ZNF334: variants seen among roughly 807,000 people sequenced by gnomAD.
ZNF334 encodes zinc finger protein 334.
A neutral mutation model predicts 12.4 loss-of-function variants in ZNF334; 14 were observed. That is an observed-to-expected ratio of 1.13 (90% CI 0.74 to 1.76). The LOEUF (loss-of-function observed/expected upper bound fraction) is 1.76, where lower values mean the gene tolerates loss of function less well. Among genes scored for constraint, ZNF334 ranks in the 40% most tolerant of loss-of-function variants. ZNF334 has a pLI of 0.00. For missense variants in ZNF334, 797 were observed against 804.5 expected (o/e 0.99, Z 0.11); for synonymous variants, 273 against 269.6 (o/e 1.01, Z -0.12).
the ZNF334 span, among the ~76,000 whole-genome samples, chr20:46,479,157 C>T: frequency 6.6e-6 from 1 of 152,178 alleles, no homozygotes; most frequent in African/African-American, 2.4e-5. Context: ...AGAGACTGTG[C>T]TCTTTCTGAA....
chr20:46,481,914 T>C, the ZNF334 span, among the ~76,000 whole-genome samples: 2 of 152,132 alleles, frequency 1.3e-5, no homozygotes, highest in African/African-American at 4.8e-5. Flanking sequence ...CCTTACATGG[T>C]AAAAGGGACT....
chr20:46,473,706 A>G, the ZNF334 span, among the ~76,000 whole-genome samples: 2 of 152,248 alleles, frequency 1.3e-5, no homozygotes, highest in Non-Finnish European at 2.9e-5. Context: ...TCAATGAACA[A>G]GATAGACAAA....
At chr20:46,507,541 G>A (rs978999083) in intron 2 of ZNF334, among the ~76,000 whole-genome samples, 1 of 152,188 alleles carries the variant, frequency 6.6e-6, no homozygotes, top group South Asian at 2.1e-4. Context: ...CAGGGGAAGC[G>A]AGGTGAAGGA....
rs779948503 is a variant in ZNF334 at position 46,502,135 on chromosome 20, C to G, written c.1204G>C (p.Glu402Gln). 1 of 1,614,108 alleles carries G rather than the reference C, an allele frequency of 6.2e-7. No homozygotes were observed. The highest frequency in any genetic ancestry group is 1.7e-5 in the Admixed American group (1 of 60,016). ...LTAHQRIHTG[E>Q]KPYECSECEK... ...CATTCACTACATTCATAGGGTTTTT[C>G]CCCTGTGTGAATTCTCTGATGCGCA... The change falls in exon 5 of 5, where the codon GAA (glutamate) becomes CAA (glutamine). Residue 402 changes from glutamate (E) to glutamine (Q), a missense_variant. Glu to Gln is a conservative substitution (Grantham distance 29). Coordinates refer to ENST00000692313, the MANE Select transcript of ZNF334 (RefSeq NM_001353824.2).
At chr20:46,494,098 T>C in the ZNF334 span, among the ~76,000 whole-genome samples, 2 of 152,252 alleles carry the variant, frequency 1.3e-5, no homozygotes, top group South Asian at 2.1e-4. Context: ...TTATTTGAAA[T>C]TGATTTCTTG....
chr20:46,497,521 CAACT>C (rs1294010895), downstream of ZNF334, among the ~76,000 whole-genome samples: 1 of 152,118 alleles, frequency 6.6e-6, no homozygotes, highest in Admixed American at 6.5e-5. Flanking sequence ...AAGAGATTAC[CAACT>C]AATTTCATTA....
At chr20:46,478,193 C>T in the ZNF334 span, among the ~76,000 whole-genome samples, 1 of 152,204 alleles carries the variant, frequency 6.6e-6, no homozygotes, top group Non-Finnish European at 1.5e-5. Context: ...CAATGGCCCA[C>T]AACACAGCCT....
At chr20:46,478,881 G>T in the ZNF334 span, among the ~76,000 whole-genome samples, 1 of 152,062 alleles carries the variant, frequency 6.6e-6, no homozygotes, top group Non-Finnish European at 1.5e-5. Flanking sequence ...TCCCCTGCTG[G>T]GGTCATTTGG....
chr20:46,478,757 T>A, the ZNF334 span, among the ~76,000 whole-genome samples: 1 of 152,226 alleles, frequency 6.6e-6, no homozygotes, highest in Non-Finnish European at 1.5e-5. Flanking sequence ...TAACAAAAAA[T>A]GAAGGAGCAA....
the ZNF334 span, among the ~76,000 whole-genome samples, chr20:46,468,438 C>T: frequency 1.4e-5 from 2 of 145,882 alleles, no homozygotes; most frequent in East Asian, 2.0e-4. Context: ...TCATGACTGG[C>T]TAATTTTTTT....
At chr20:46,506,354 G>T (rs1234320713) in intron 2 of ZNF334, 1 of 636,712 alleles carries the variant, frequency 1.6e-6, no homozygotes, top group South Asian at 1.8e-5. Flanking sequence ...GGCCAGGTGT[G>T]GTGGCGCACA....
In ZNF334 at chr20:46,501,391, G is replaced by GT. The variant is rs1336422850; in HGVS notation, c.1947dup (p.His650ThrfsTer8). 6.2e-7 allele frequency: 1 copy of GT among 1,614,134 alleles called. No individual in the cohort carries two copies. Among genetic ancestry groups the GT allele is most frequent in the Non-Finnish European group, 8.5e-7 (1 of 1,180,008 alleles). On this transcript the variant is annotated frameshift_variant, in exon 5 of 5. Coordinates refer to ENST00000692313, the MANE Select transcript of ZNF334 (RefSeq NM_001353824.2). LOFTEE classifies it low-confidence loss of function (END_TRUNC). ...CATTCATAAGGTTTCTCTCCTGTGT[G>GT]TATTTTCTGATGTTCAGTGAGAGTC... is the stretch of plus-strand genomic sequence containing the variant.
At chr20:46,485,429 G>A in the ZNF334 span, 2 of 145,352 alleles carry the variant, frequency 1.4e-5, no homozygotes, top group African/African-American at 2.6e-5. Context: ...TGTCACAGAA[G>A]GTTTTTTTTG....
chr20:46,467,479 C>G, the ZNF334 span, among the ~76,000 whole-genome samples: 1 of 152,232 alleles, frequency 6.6e-6, no homozygotes, highest in Non-Finnish European at 1.5e-5. Context: ...TCATTCAACA[C>G]TAATATCCCC....
the ZNF334 span, chr20:46,492,392 T>G: frequency 6.5e-6 from 1 of 153,182 alleles, no homozygotes; most frequent in Admixed American, 6.5e-5. Flanking sequence ...GCCCTTTACA[T>G]GTAATGAATG....
chr20:46,505,012 T>C (rs2061381557), intron 2 of ZNF334: 2 of 291,932 alleles, frequency 6.9e-6, no homozygotes, highest in South Asian at 1.5e-4. Flanking sequence ...GAGCATACAT[T>C]CTGACAGGGT....
the ZNF334 span, among the ~76,000 whole-genome samples, chr20:46,465,909 C>T: frequency 6.6e-6 from 1 of 151,586 alleles, no homozygotes; most frequent in Non-Finnish European, 1.5e-5. Context: ...GAGCCAAGAT[C>T]GTGCCACTTA....
At chr20:46,493,086 T>A in the ZNF334 span, among the ~76,000 whole-genome samples, 1 of 51,038 alleles carries the variant, frequency 2.0e-5, no homozygotes, top group East Asian at 7.6e-4. Context: ...AGACTCTGTC[T>A]TTAGAAAAAA....
the ZNF334 span, among the ~76,000 whole-genome samples, chr20:46,483,668 C>T: frequency 4.9e-4 from 75 of 152,220 alleles, no homozygotes; most frequent in Middle Eastern, 3.4e-3. Context: ...TAAACATTCC[C>T]ATATTTGCAT....
Sources: gnomAD v4.1 joint callset for allele counts (sites outside exome capture counted in the v4.1 genomes callset) on GRCh38, gnomAD v4.1.1 for gene constraint, MANE v1.5 for transcripts, NCBI Gene and HGNC (gene_info 2026-07-23, HGNC 2026-07-21) for gene names.